EBF1: variants seen among roughly 807,000 people sequenced by gnomAD.
The protein encoded by EBF1 is transcription factor COE1.
In EBF1, 10 loss-of-function variants were observed where a neutral mutation model predicts 68.4. The observed-to-expected ratio is 0.15, with a 90% CI of 0.09 to 0.25. The LOEUF is 0.25. EBF1 is among the 10% of genes least tolerant of loss of function. The probability of loss-of-function intolerance (pLI) is 1.00; values close to 1 mark genes in which losing one functional copy is unlikely to be tolerated. For missense variants in EBF1, 509 were observed against 794.4 expected (o/e 0.64, Z 4.32); for synonymous variants, 298 against 299.8 (o/e 0.99, Z 0.06).
chr5:158,965,112 T>C (rs771678099), intron 6 of EBF1, among the ~76,000 whole-genome samples: 2 of 152,218 alleles, frequency 1.3e-5, no homozygotes, highest in Non-Finnish European at 2.9e-5. Flanking sequence ...TAACTCGTTA[T>C]GTAAGTTTTG....
intron 6 of EBF1, among the ~76,000 whole-genome samples, chr5:158,956,976 T>A (rs1055169392): frequency 6.6e-6 from 1 of 152,102 alleles, no homozygotes; most frequent in Non-Finnish European, 1.5e-5. Flanking sequence ...GCCAAGATGG[T>A]CTCGATCTCC....
chr5:158,701,052 C>T (rs1756638402), intron 15 of EBF1, among the ~76,000 whole-genome samples: 1 of 152,158 alleles, frequency 6.6e-6, no homozygotes, highest in Non-Finnish European at 1.5e-5. Flanking sequence ...GGAGTCTTTG[C>T]TGTGTGACAG....
intron 6 of EBF1, among the ~76,000 whole-genome samples, chr5:158,898,224 C>T (rs1802551753): frequency 6.6e-6 from 1 of 152,008 alleles, no homozygotes; most frequent in Non-Finnish European, 1.5e-5. Context: ...TCTGAATAGC[C>T]CCTGGTCTTT....
intron 9 of EBF1, among the ~76,000 whole-genome samples, chr5:158,784,435 A>T (rs1450283572): frequency 6.6e-6 from 1 of 152,212 alleles, no homozygotes; most frequent in Non-Finnish European, 1.5e-5. Context: ...AACTGGGAAC[A>T]TAGTGGCCAC....
chr5:158,959,588 G>C (rs1011740472), intron 6 of EBF1, among the ~76,000 whole-genome samples: 82 of 151,720 alleles, frequency 5.4e-4, no homozygotes, highest in African/African-American at 1.8e-3. Context: ...CACCAGGCCT[G>C]TTCAAGAATT....
At chr5:159,022,549 C>T (rs1029923783) in intron 6 of EBF1, among the ~76,000 whole-genome samples, 2 of 152,134 alleles carry the variant, frequency 1.3e-5, no homozygotes, top group Non-Finnish European at 2.9e-5. Context: ...GGGGAGCCAA[C>T]GCATGTGCAA....
At chr5:158,989,719 A>G (rs1317849694) in intron 6 of EBF1, among the ~76,000 whole-genome samples, 3 of 152,138 alleles carry the variant, frequency 2.0e-5, no homozygotes, top group Non-Finnish European at 4.4e-5. Context: ...TAAGAGGTCA[A>G]GTGCCTATCA....
intron 6 of EBF1, among the ~76,000 whole-genome samples, chr5:159,014,874 AG>A (rs908164756): frequency 6.6e-6 from 1 of 152,198 alleles, no homozygotes; most frequent in African/African-American, 2.4e-5. Flanking sequence ...CTTGGAGAAC[AG>A]GGATGAGACC....
At chr5:159,098,217 A>T (rs1783002609) in intron 1 of EBF1, among the ~76,000 whole-genome samples, 1 of 152,164 alleles carries the variant, frequency 6.6e-6, no homozygotes, top group Admixed American at 6.5e-5. Flanking sequence ...GAAAAAGGCC[A>T]TTTCTCACTT....
At chr5:159,063,430 A>G (rs1279930250) in intron 6 of EBF1, among the ~76,000 whole-genome samples, 1 of 152,210 alleles carries the variant, frequency 6.6e-6, no homozygotes, top group Non-Finnish European at 1.5e-5. Context: ...TCATGATCCC[A>G]GTGTAAAATG....
At position 159,075,456 on chromosome 5, in the gene EBF1, C is replaced by T. The variant is rs551224535; in HGVS notation, c.486-1992G>A. 8.9e-4 allele frequency among the ~76,000 whole-genome samples: 136 copies of T among 152,296 alleles called. 1 individual carries two copies. The highest frequency in any genetic ancestry group is 3.1e-3 in the African/African-American group (129 of 41,558). On this transcript the variant is annotated intron_variant, in intron 5 of 15. Transcript: ENST00000313708. ...TCCTTCATTTTCCTTTTCAAAACAG[C>T]AAGTAGGCAATGCAAGCTGCCCACA...
At chr5:158,753,342 A>C (rs1242889008) in intron 10 of EBF1, among the ~76,000 whole-genome samples, 1 of 152,138 alleles carries the variant, frequency 6.6e-6, no homozygotes, top group East Asian at 1.9e-4. Flanking sequence ...TATTAAAAGC[A>C]ATCAATTTTG....
At chr5:158,925,959 G>C (rs576867532) in intron 6 of EBF1, among the ~76,000 whole-genome samples, 5 of 152,192 alleles carry the variant, frequency 3.3e-5, no homozygotes, top group African/African-American at 1.2e-4. Flanking sequence ...AAAGTTTGGT[G>C]GGCTCTAAAA....
intron 6 of EBF1, among the ~76,000 whole-genome samples, chr5:159,054,139 ATAGGG>A (rs1485301589): frequency 2.6e-5 from 4 of 152,220 alleles, no homozygotes; most frequent in Non-Finnish European, 5.9e-5. Context: ...TTTGCTTTTT[ATAGGG>A]CATTTCTATA....
At chr5:158,953,611 G>A (rs968740099) in intron 6 of EBF1, among the ~76,000 whole-genome samples, 2 of 152,192 alleles carry the variant, frequency 1.3e-5, no homozygotes, top group Admixed American at 6.5e-5. Context: ...GATTTAGGGG[G>A]AAGAGGCAAA....
rs1760094597 is a variant in EBF1, at chr5:158,714,127, T to C, written c.1181A>G (p.His394Arg). ...ACCCACAGCGCTCACCTGGTTGTTG[T>C]GTGGCATCCCATACAGTGCTTCTAC... is the stretch of plus-strand genomic sequence containing the variant. The part of the protein sequence containing the change: ...DLVEALYGMP[H>R]NNQEIILKRA... Residue 394 changes from histidine to arginine, a missense_variant, in exon 12 of 16, where the codon CAC becomes CGC. Physicochemically the swap from His to Arg is conservative, Grantham distance 29 (BLOSUM62 0). Around this residue, in one of 3 missense-constraint regions of EBF1, gnomAD observed 230 missense variants for 467.7 expected, o/e 0.49. Transcript: ENST00000313708. The C allele has an allele frequency of 1.2e-6, 2 of 1,614,128 alleles. No homozygotes were observed. The highest frequency in any genetic ancestry group is 8.5e-7 in the Non-Finnish European group (1 of 1,180,046).
At chr5:158,941,655 G>A (rs1813431773) in intron 6 of EBF1, among the ~76,000 whole-genome samples, 2 of 152,168 alleles carry the variant, frequency 1.3e-5, no homozygotes, top group African/African-American at 2.4e-5. Context: ...CAAAGCCTTG[G>A]TATAGTGGGG....
chr5:159,048,725 G>T (rs1772946549), intron 6 of EBF1, among the ~76,000 whole-genome samples: 1 of 152,146 alleles, frequency 6.6e-6, no homozygotes, highest in African/African-American at 2.4e-5. Flanking sequence ...CCCTGCTGAA[G>T]GTCTAATTTC....
At chr5:158,755,157 CTAATGTT>C (rs1769779605) in intron 10 of EBF1, among the ~76,000 whole-genome samples, 1 of 150,560 alleles carries the variant, frequency 6.6e-6, no homozygotes, top group African/African-American at 2.4e-5. Context: ...TTCTTATAAA[CTAATGTT>C]TATTGTTTTG....
Sources: gnomAD v4.1 joint callset for allele counts (sites outside exome capture counted in the v4.1 genomes callset) on GRCh38, gnomAD v4.1.1 for gene constraint, gnomAD v4.1.1 regional missense constraint, MANE v1.5 for transcripts, NCBI Gene and HGNC (gene_info 2026-07-23, HGNC 2026-07-21) for gene names.